KCNS3: variants seen among roughly 807,000 people sequenced by gnomAD.
The protein encoded by KCNS3 is potassium voltage-gated channel modifier subfamily S member 3.
In KCNS3, 13 loss-of-function variants were observed where a neutral mutation model predicts 31.0. The observed-to-expected ratio is 0.42, with a 90% CI of 0.27 to 0.67. KCNS3 has a LOEUF of 0.67. Ranked by LOEUF, KCNS3 falls within the 30% of genes least tolerant of loss-of-function variation. KCNS3 has a pLI of 0.25. For missense variants in KCNS3, 545 were observed against 622.4 expected (o/e 0.88, Z 1.32); for synonymous variants, 238 against 241.5 (o/e 0.99, Z 0.13).
At chr2:17,884,022 T>C (rs189024264) in intron 1 of KCNS3, among the ~76,000 whole-genome samples, 2 of 141,822 alleles carry the variant, frequency 1.4e-5, no homozygotes, top group Non-Finnish European at 3.0e-5. Context: ...AACCAAACAC[T>C]GCATGTTCTC....
Position 17,924,600 on chromosome 2 carries a change from C to T in KCNS3, c.-59-6350C>T, listed in dbSNP as rs534256229. On this transcript the variant is annotated intron_variant, in intron 2 of 2. Coordinates refer to ENST00000304101, the MANE Select transcript of KCNS3 (RefSeq NM_002252.5). ...CTAGATTTTTCAAATGCTTTTTCTGCATCTTTTGAGATGATAATGTCATTT... is the reference window on the plus strand; with the variant it reads ...CTAGATTTTTCAAATGCTTTTTCTGTATCTTTTGAGATGATAATGTCATTT... Among the ~76,000 whole-genome samples, 93 of 152,172 alleles carry T rather than the reference C, an allele frequency of 6.1e-4. 1 individual carries two copies. In the South Asian group the frequency reaches 0.019, roughly 31 times the overall value.
Position 17,932,231 on chromosome 2 carries a change from A to G in KCNS3, c.1223A>G (p.Lys408Arg). 6.2e-7 allele frequency: 1 copy of G among 1,613,910 alleles called. No individual in the cohort carries two copies. Among genetic ancestry groups the G allele is most frequent in the Non-Finnish European group, 8.5e-7 (1 of 1,179,924 alleles). ...CTTCCCATCACCATCATCTTCAACAAGTTTTCCAAGTACTACCAGAAGCAA... is the reference window on the plus strand; with the variant it reads ...CTTCCCATCACCATCATCTTCAACAGGTTTTCCAAGTACTACCAGAAGCAA... ...VALPITIIFN[K>R]FSKYYQKQKD... The change falls in exon 3 of 3, where the codon AAG becomes AGG. Residue 408 changes from lysine (K) to arginine (R), a missense_variant. By Grantham distance (26) the Lys-to-Arg change is conservative. Transcript: ENST00000304101.
chr2:17,884,187 A>G (rs1674707001), intron 1 of KCNS3, among the ~76,000 whole-genome samples: 1 of 148,058 alleles, frequency 6.8e-6, no homozygotes, highest in African/African-American at 2.5e-5. Context: ...GCACACCAAC[A>G]TGGCACATGT....
chr2:17,911,945 G>A (rs1662480112), intron 1 of KCNS3, among the ~76,000 whole-genome samples: 1 of 152,228 alleles, frequency 6.6e-6, no homozygotes, highest in Admixed American at 6.5e-5. Context: ...ATTTAGACAT[G>A]TAAAAAGCAC....
chr2:17,878,531 G>A (rs16981871), upstream of KCNS3: 1 of 150,690 alleles, frequency 6.6e-6, no homozygotes. Context: ...GCCCGGCTGC[G>A]GGCCCGAAGC....
chr2:17,886,593 G>A (rs1661658276), intron 1 of KCNS3, among the ~76,000 whole-genome samples: 1 of 152,296 alleles, frequency 6.6e-6, no homozygotes, highest in Middle Eastern at 3.4e-3. Context: ...TTCCATGACA[G>A]AGCTTGTCTC....
At chr2:17,921,660 T>C (rs115410448) in intron 2 of KCNS3, among the ~76,000 whole-genome samples, 3,287 of 151,822 alleles carry the variant, frequency 0.022, 42 homozygotes, top group Non-Finnish European at 0.03. Context: ...CATCTTACCA[T>C]AGTGAAGCAG....
At chr2:17,908,693 C>A (rs139086898) in intron 1 of KCNS3, among the ~76,000 whole-genome samples, 2 of 152,220 alleles carry the variant, frequency 1.3e-5, no homozygotes, top group Non-Finnish European at 2.9e-5. Flanking sequence ...GGACCCTCAG[C>A]TGCAGGTCTG....
chr2:17,910,326 C>G (rs1662441498), intron 1 of KCNS3, among the ~76,000 whole-genome samples: 1 of 152,178 alleles, frequency 6.6e-6, no homozygotes, highest in Admixed American at 6.5e-5. Flanking sequence ...TGCTAATACA[C>G]ACTACCCTGG....
intron 1 of KCNS3, among the ~76,000 whole-genome samples, chr2:17,885,330 C>T (rs534065377): frequency 1.5e-4 from 23 of 152,204 alleles, no homozygotes; most frequent in African/African-American, 2.4e-4. Flanking sequence ...TTCCTCTGTA[C>T]GCATGGATAT....
chr2:17,888,464 AGG>A (rs1661743151), intron 1 of KCNS3, among the ~76,000 whole-genome samples: 1 of 151,396 alleles, frequency 6.6e-6, no homozygotes, highest in Non-Finnish European at 1.5e-5. Flanking sequence ...TTTATTGAAA[AGG>A]GTGTGGAGTG....
At chr2:17,920,992 C>T (rs1266812516) in intron 2 of KCNS3, among the ~76,000 whole-genome samples, 1 of 152,196 alleles carries the variant, frequency 6.6e-6, no homozygotes, top group Non-Finnish European at 1.5e-5. Flanking sequence ...TCCCCATTTG[C>T]AACACGGGAG....
chr2:17,907,666 ATCTC>A (rs1211396324), intron 1 of KCNS3, among the ~76,000 whole-genome samples: 1 of 152,056 alleles, frequency 6.6e-6, no homozygotes, highest in Non-Finnish European at 1.5e-5. Flanking sequence ...TGGTGACAAA[ATCTC>A]TCAGCATTTG....
chr2:17,881,157 C>A (rs1162796913), intron 1 of KCNS3, among the ~76,000 whole-genome samples: 1 of 152,168 alleles, frequency 6.6e-6, no homozygotes, highest in Non-Finnish European at 1.5e-5. Context: ...TAGATGGAAC[C>A]CCCCAGGTGC....
chr2:17,893,285 G>A (rs1661902699), intron 1 of KCNS3, among the ~76,000 whole-genome samples: 1 of 152,152 alleles, frequency 6.6e-6, no homozygotes, highest in Non-Finnish European at 1.5e-5. Context: ...CCTACAGCCT[G>A]GAGTCTGTTT....
intron 2 of KCNS3, among the ~76,000 whole-genome samples, chr2:17,921,525 A>G (rs950532239): frequency 3.3e-5 from 5 of 152,268 alleles, no homozygotes; most frequent in Admixed American, 2.6e-4. Context: ...TCACATTGCT[A>G]TAAAGAACTA....
At chr2:17,881,647 C>T (rs140019076) in intron 1 of KCNS3, among the ~76,000 whole-genome samples, 4 of 152,296 alleles carry the variant, frequency 2.6e-5, no homozygotes, top group East Asian at 1.9e-4. Context: ...TCACCCAGCC[C>T]GGAAAAGGTG....
In KCNS3 at chr2:17,931,335, C is replaced by T. The variant is rs763397222; in HGVS notation, c.327C>T (p.Asn109=). Residue 109 remains asparagine, a synonymous_variant, in exon 3 of 3, where the codon AAC becomes AAT. Transcript: ENST00000304101. This position sits in a 1 kb window ranked among gnomAD's most constrained non-coding sequence, Gnocchi z 5.4. ...AGGAGATCGAGTACTGGGGCATCAACGAGCTCTTCATTGATTCTTGCTGCA... is the reference window on the plus strand; with the variant it reads ...AGGAGATCGAGTACTGGGGCATCAATGAGCTCTTCATTGATTCTTGCTGCA... ...FCQEIEYWGI[N]ELFIDSCCSN... 28 of 1,614,006 alleles carry T rather than the reference C, an allele frequency of 1.7e-5. No homozygotes were observed. The South Asian group carries it at 2.1e-4, about 12-fold the overall frequency.
At chr2:17,909,161 G>C (rs1662411992) in intron 1 of KCNS3, among the ~76,000 whole-genome samples, 1 of 152,202 alleles carries the variant, frequency 6.6e-6, no homozygotes, top group South Asian at 2.1e-4. Context: ...GCAATGGCGG[G>C]CGCCCCTCCC....
Sources: allele counts gnomAD v4.1 joint callset (sites outside exome capture counted in the v4.1 genomes callset), GRCh38; gene constraint gnomAD v4.1.1; non-coding constraint Gnocchi (gnomAD v3.1); transcripts MANE v1.5; gene names NCBI Gene and HGNC (gene_info 2026-07-23, HGNC 2026-07-21).